The following SLC25A46 variants were observed in gnomAD, a reference collection of about 807,000 sequenced individuals.
The protein encoded by SLC25A46 is mitochondrial outer membrane protein SLC25A46.
Under a neutral mutation model 44.6 loss-of-function variants are expected in SLC25A46, and 39 were observed. The ratio of observed to expected loss-of-function variants is 0.87; its 90% CI spans 0.68 to 1.14. The LOEUF (loss-of-function observed/expected upper bound fraction) is 1.14. SLC25A46 is among the 50% of genes most tolerant of loss of function. The probability of loss-of-function intolerance (pLI) is 0.00; values close to 1 mark genes in which losing one functional copy is unlikely to be tolerated. For synonymous variants in SLC25A46, 202 were observed against 185.8 expected, an observed-to-expected ratio of 1.09 and a Z score of -0.71; for missense variants, 547 against 522.7, an observed-to-expected ratio of 1.05 and a Z score of -0.45.
chr5:110,739,673 G>A (rs1420301867), intron 1 of SLC25A46, among the ~76,000 whole-genome samples: 3 of 152,244 alleles, frequency 2.0e-5, no homozygotes, highest in Non-Finnish European at 4.4e-5. Flanking sequence ...TGTCTCAACT[G>A]ATGGTCTGAG....
Position 110,748,251 on chromosome 5 carries a change from C to T in SLC25A46, c.551C>T (p.Thr184Ile). 1 of 1,612,986 alleles carries T rather than the reference C, an allele frequency of 6.2e-7. No homozygotes were observed. The highest frequency in any genetic ancestry group is 8.5e-7 in the Non-Finnish European group (1 of 1,179,122). Reference sequence around the variant, plus strand: ...GCAGAAGGCATAATTAGTGAATTTACACCTTTGCCAAGGTACCATTTTTAG... The same window carrying T: ...GCAGAAGGCATAATTAGTGAATTTATACCTTTGCCAAGGTACCATTTTTAG... ...LGAEGIISEFTPLPREVLHKW... is the reference protein window; with the variant it reads ...LGAEGIISEFIPLPREVLHKW... The change falls in exon 5 of 8, where the codon ACA (threonine) becomes ATA (isoleucine). Residue 184 changes from threonine (T) to isoleucine (I), a missense_variant. Physicochemically the swap from Thr to Ile is moderately conservative, Grantham distance 89. Transcript: ENST00000355943.
chr5:110,756,527 C>T (rs774876353), intron 6 of SLC25A46, among the ~76,000 whole-genome samples, 175 bp from the exon 7 acceptor site: 34 of 152,048 alleles, frequency 2.2e-4, no homozygotes, highest in African/African-American at 3.1e-4. Flanking sequence ...AAGCATCCTA[C>T]GTTACAGATT....
chr5:110,749,828 A>G (rs1333083911), intron 5 of SLC25A46, among the ~76,000 whole-genome samples: 1 of 152,176 alleles, frequency 6.6e-6, no homozygotes, highest in African/African-American at 2.4e-5. Context: ...TACAAAGAGT[A>G]TATGAAAGGA....
Position 110,758,944 on chromosome 5 carries a change from C to T in SLC25A46, c.678+2185C>T, listed in dbSNP as rs187081531. Among the ~76,000 whole-genome samples, 502 of 152,204 alleles carry T rather than the reference C, an allele frequency of 3.3e-3. 4 individuals are homozygous for T. Among genetic ancestry groups the T allele is most frequent in the African/African-American group, 0.012 (478 of 41,526 alleles). ...CATATTCCCTAAAATCAACTTCAGA[C>T]TTCTTATTATAGTTTTAAACCAAGG... On this transcript the variant is annotated intron_variant, in intron 7 of 7. Coordinates refer to ENST00000355943, the MANE Select transcript of SLC25A46 (RefSeq NM_138773.4).
intron 4 of SLC25A46, 23 bp downstream of exon 4, chr5:110,746,369 A>C (rs768514799): frequency 2.0e-6 from 3 of 1,502,114 alleles, no homozygotes; most frequent in Non-Finnish European, 2.7e-6. Flanking sequence ...TCTGGATTCT[A>C]TTAAAGGTTT....
In SLC25A46 at chr5:110,743,015, G is replaced by A. The variant is rs540896526; in HGVS notation, c.327-715G>A. Among the ~76,000 whole-genome samples, 11 of 152,046 alleles carry A rather than the reference G, an allele frequency of 7.2e-5. No homozygotes were observed. In the South Asian group the frequency reaches 2.3e-3, roughly 32 times the overall value. On this transcript the variant is annotated intron_variant, in intron 2 of 7. Coordinates refer to ENST00000355943, the MANE Select transcript of SLC25A46 (RefSeq NM_138773.4). ...GTTAATGTCAATATAAATAAAATCT[G>A]TGTTTTCCATTCTGCTGGAGTTGTT...
chr5:110,761,848 G>A lies in SLC25A46; in HGVS notation c.*66G>A. On this transcript the variant is annotated 3_prime_UTR_variant, in exon 8 of 8. Transcript: ENST00000355943. The surrounding 1 kb of genome is among the most constrained non-coding windows in gnomAD (Gnocchi z 5.3). The stretch of plus-strand genomic sequence containing the variant: ...TGGATAATTTGCTATGAAGTTATGA[G>A]GGATACAAGTGAAATACTGGGGAAG... 1 of 1,311,396 alleles carries A rather than the reference G, an allele frequency of 7.6e-7. No individual in the cohort carries two copies. The highest frequency in any genetic ancestry group is 1.0e-6 in the Non-Finnish European group (1 of 965,878). The allele number at this position is 1,311,396 out of a possible 1,614,324, so 81.2% of individuals were successfully genotyped here. A position where few individuals can be genotyped will look rare whatever the true frequency, so the allele number is the denominator to read the frequency against.
rs753610489 is a variant in SLC25A46 at position 110,755,526 on chromosome 5, G to A, written c.620+5G>A. The A allele has an allele frequency of 3.2e-6, 5 of 1,561,152 alleles. No homozygotes were observed. The highest frequency in any genetic ancestry group is 1.4e-5 in the African/African-American group (1 of 71,928). On this transcript the variant is annotated splice_donor_5th_base_variant and intron_variant, in intron 6 of 7. Coordinates refer to ENST00000355943, the MANE Select transcript of SLC25A46 (RefSeq NM_138773.4). ...AGAACACCTTCTACTGAAATCGTAAGTATCAAAAAATGGCATTTTTATTGG... is the reference window on the plus strand; with the variant it reads ...AGAACACCTTCTACTGAAATCGTAAATATCAAAAAATGGCATTTTTATTGG...
intron 5 of SLC25A46, chr5:110,753,814 C>T (rs530045454): frequency 2.7e-4 from 41 of 152,180 alleles, no homozygotes; most frequent in African/African-American, 9.9e-4. Context: ...GGGGAGGCTA[C>T]CCAGTCCTAA....
intron 4 of SLC25A46, 105 bp downstream of exon 4, chr5:110,746,451 CTTAACTGTTGTAGT>C (rs1799823113): frequency 1.4e-6 from 1 of 724,044 alleles, no homozygotes; most frequent in African/African-American, 1.9e-5. Flanking sequence ...AATAAAACAT[CTTAACTGTTGTAGT>C]AAAACTAAAG....
rs779513952 is a variant in SLC25A46 at position 110,743,793 on chromosome 5, T to C, written c.384+6T>C. 1.9e-6 allele frequency: 3 copies of C among 1,602,476 alleles called. No homozygotes were observed. In the South Asian group the frequency reaches 3.3e-5, roughly 18 times the overall value. The stretch of plus-strand genomic sequence containing the variant: ...TTCTACGCCGCCAATGTCAGGTAAA[T>C]GTAATTTCTGTGATCTTTTGAAGCA... On this transcript the variant is annotated splice_donor_region_variant and intron_variant, in intron 3 of 7. Coordinates refer to ENST00000355943, the MANE Select transcript of SLC25A46 (RefSeq NM_138773.4).
chr5:110,760,563 C>G (rs940763787), intron 7 of SLC25A46, among the ~76,000 whole-genome samples: 1 of 152,124 alleles, frequency 6.6e-6, no homozygotes. Flanking sequence ...TTGCTGCAGC[C>G]AAAGTGCCTT....
At chr5:110,739,467 AC>A (rs1799562186) in intron 1 of SLC25A46, 65 bp downstream of exon 1, 4 of 1,489,672 alleles carry the variant, frequency 2.7e-6, no homozygotes, top group African/African-American at 1.4e-5. Flanking sequence ...CGGCCTGCAG[AC>A]CCCGGAAGCG....
At chr5:110,757,540 C>T (rs78517381) in intron 7 of SLC25A46, among the ~76,000 whole-genome samples, 2,733 of 152,166 alleles carry the variant, frequency 0.018, 26 homozygotes, top group Admixed American at 0.024. Flanking sequence ...CTTCTAATTA[C>T]TCTTTTCTAC....
rs779724664 is a variant in SLC25A46, at chr5:110,748,192, A to G, written c.492A>G (p.Gly164=). 6.2e-7 allele frequency: 1 copy of G among 1,613,538 alleles called. No individual in the cohort carries two copies. Among genetic ancestry groups the G allele is most frequent in the Admixed American group, 1.7e-5 (1 of 60,016 alleles). Residue 164 remains glycine (G), a synonymous_variant, in exon 5 of 8, where the codon GGA becomes GGG. Transcript: ENST00000355943. ...QGPRALWKGM[G]STFIVQGVTL... ...CTAGAGCCCTGTGGAAAGGAATGGG[A>G]AGTACATTTATTGTCCAGGGAGTCA...
chr5:110,761,299 T>C lies in SLC25A46; in HGVS notation c.774T>C (p.Leu258=). The change falls in exon 8 of 8, where the codon CTT becomes CTC. Residue 258 remains leucine (L), a synonymous_variant. Coordinates refer to ENST00000355943, the MANE Select transcript of SLC25A46 (RefSeq NM_138773.4). This position sits in a 1 kb window ranked among gnomAD's most constrained non-coding sequence, Gnocchi z 5.3. ...TGGGAGTGCCTCATAGCAAACGACT[T>C]CTTCCGCTTCTTTCCTTGATCTTCC... ...IGMGVPHSKR[L]LPLLSLIFPT... is the part of the protein sequence containing the mutation. The C allele has an allele frequency of 6.2e-7, 1 of 1,613,786 alleles. No individual in the cohort carries two copies. Among genetic ancestry groups the C allele is most frequent in the Non-Finnish European group, 8.5e-7 (1 of 1,179,796 alleles).
chr5:110,738,976 T>G (rs17132319), upstream of SLC25A46: 124,346 of 1,454,162 alleles, frequency 0.086, 5,595 homozygotes, highest in Admixed American at 0.13. Flanking sequence ...CTCCGAAGAC[T>G]TCCGGGTTTC....
rs769161755 is a variant in SLC25A46, at chr5:110,764,318, G to A, written c.*2536G>A. 2.0e-5 allele frequency: 3 copies of A among 151,778 alleles called. No individual in the cohort carries two copies. Among genetic ancestry groups the A allele is most frequent in the Admixed American group, 6.6e-5 (1 of 15,186 alleles). The allele number at this position is 151,778 out of a possible 1,614,324, so 9.4% of individuals were successfully genotyped here. On this transcript the variant is annotated 3_prime_UTR_variant, in exon 8 of 8. Transcript: ENST00000355943. ...GAATTAACTTACTAAATACATATAT[G>A]TAGACCTTCCCGAAATGCCATTCTC...
At chr5:110,748,307 T>C in intron 5 of SLC25A46, 44 bp downstream of exon 5, 8 of 1,524,888 alleles carry the variant, frequency 5.2e-6, no homozygotes, top group Non-Finnish European at 7.3e-6. Context: ...CATGTGGTGA[T>C]GTGTTTTTAG....
Sources: allele counts gnomAD v4.1 joint callset (sites outside exome capture counted in the v4.1 genomes callset), GRCh38; gene constraint gnomAD v4.1.1; non-coding constraint Gnocchi (gnomAD v3.1); transcripts MANE v1.5; gene names NCBI Gene and HGNC (gene_info 2026-07-23, HGNC 2026-07-21).